Variants in TTC7B observed in about 807,000 individuals in gnomAD.
TTC7B encodes tetratricopeptide repeat domain 7B, also known as tetratricopeptide repeat protein 7B.
In TTC7B, 28 loss-of-function variants were observed where a neutral mutation model predicts 106.8. That is an observed-to-expected ratio of 0.26 (90% confidence interval 0.19 to 0.36). The LOEUF (loss-of-function observed/expected upper bound fraction) is 0.36. Ranked by LOEUF, TTC7B falls within the 10% of genes least tolerant of loss-of-function variation. The probability of loss-of-function intolerance (pLI) is 1.00; values close to 1 mark genes in which losing one functional copy is unlikely to be tolerated. For missense variants in TTC7B, 862 were observed against 1,076.4 expected, an observed-to-expected ratio of 0.80 and a Z score of 2.79; for synonymous variants, 405 against 430.6, an observed-to-expected ratio of 0.94 and a Z score of 0.74.
rs572780062 is a variant in TTC7B, at chr14:90,702,934, T to A, written c.699-7356A>T. ...TCTGGCAGGTGTGAATCCTGACTGC[T>A]CCATCACACTTAGCACAGTGAGCGT... On this transcript the variant is annotated intron_variant, in intron 5 of 19. Transcript: ENST00000328459. Among the ~76,000 whole-genome samples the A allele has an allele frequency of 1.7e-3, 261 of 152,258 alleles. 1 individual carries two copies. The highest frequency in any genetic ancestry group is 2.7e-3 in the Non-Finnish European group (187 of 68,028).
chr14:90,593,867 G>C (rs1892089904), intron 17 of TTC7B: 1 of 375,130 alleles, frequency 2.7e-6, no homozygotes, highest in Non-Finnish European at 4.8e-6. Flanking sequence ...GCTCAGCCTA[G>C]CGGTGTGAGT....
At position 90,530,324 on chromosome 14, in the gene TTC7B, G is replaced by A. The variant is rs904899397; in HGVS notation, c.*11044C>T. 6.6e-6 allele frequency: 1 copy of A among 152,194 alleles called. No individual in the cohort carries two copies. The highest frequency in any genetic ancestry group is 2.4e-5 in the African/African-American group (1 of 41,442). 9.4% of individuals were successfully genotyped at this position (152,194 alleles called of 1,614,324 possible). A position where few individuals can be genotyped will look rare whatever the true frequency, so the allele number is the denominator to read the frequency against. On this transcript the variant is annotated 3_prime_UTR_variant, in exon 20 of 20. Coordinates refer to ENST00000328459, the MANE Select transcript of TTC7B (RefSeq NM_001010854.2). ...ATGCTGCAAGACAACAGGCCAAAAT[G>A]CTGAGAAGGTGAGCGCTAAATAGTG...
At chr14:90,563,107 C>T (rs564952821) in intron 19 of TTC7B, among the ~76,000 whole-genome samples, 2 of 152,346 alleles carry the variant, frequency 1.3e-5, no homozygotes, top group South Asian at 2.1e-4. Flanking sequence ...TCCTCAGGTC[C>T]TAGTCCAGTA....
chr14:90,774,241 G>A (rs1019240945), intron 3 of TTC7B, among the ~76,000 whole-genome samples: 2 of 152,180 alleles, frequency 1.3e-5, no homozygotes, highest in Non-Finnish European at 2.9e-5. Context: ...TGGGGCCTGA[G>A]ATGGAAAGCA....
chr14:90,724,313 G>A (rs901479008), intron 5 of TTC7B, among the ~76,000 whole-genome samples: 6 of 152,070 alleles, frequency 3.9e-5, no homozygotes, highest in Admixed American at 3.3e-4. Flanking sequence ...AGGAGGGCAG[G>A]GACTTTGTCT....
Position 90,735,988 on chromosome 14 carries a change from C to A in TTC7B, c.577-5792G>T, listed in dbSNP as rs546707124. 2.9e-4 allele frequency among the ~76,000 whole-genome samples: 44 copies of A among 152,076 alleles called. 1 individual carries two copies. In the South Asian group the frequency reaches 9.1e-3, roughly 32 times the overall value. On this transcript the variant is annotated intron_variant, in intron 4 of 19. Transcript: ENST00000328459. ...TGTTAAAACCTATCATAAAGAAGTG[C>A]CTATTAAACAGTGTCATGTTGGTAC...
intron 15 of TTC7B, among the ~76,000 whole-genome samples, chr14:90,625,067 G>A (rs568899987): frequency 5.3e-5 from 8 of 152,324 alleles, no homozygotes; most frequent in South Asian, 2.1e-4. Context: ...TCAAATATCC[G>A]AAGGAAAGTG....
chr14:90,596,762 C>T (rs993093486), intron 17 of TTC7B, among the ~76,000 whole-genome samples: 10 of 152,210 alleles, frequency 6.6e-5, no homozygotes, highest in Admixed American at 2.0e-4. Flanking sequence ...ATGCGAACTA[C>T]GTCCTCAGGG....
At chr14:90,692,811 C>T (rs1595287553) in intron 6 of TTC7B, among the ~76,000 whole-genome samples, 1 of 152,078 alleles carries the variant, frequency 6.6e-6, no homozygotes, top group South Asian at 2.1e-4. Flanking sequence ...TTGAAGAATC[C>T]TAAAAATGGA....
chr14:90,785,039 A>G lies in TTC7B; in HGVS notation c.276+1135T>C, dbSNP rs181431380. Among the ~76,000 whole-genome samples the G allele has an allele frequency of 1.7e-3, 266 of 152,324 alleles. 2 individuals carry two copies. Among genetic ancestry groups the G allele is most frequent in the African/African-American group, 6.3e-3 (261 of 41,576 alleles). On this transcript the variant is annotated intron_variant, in intron 2 of 19. Coordinates refer to ENST00000328459, the MANE Select transcript of TTC7B (RefSeq NM_001010854.2). ...GATGACCAAGAGGAGGAACAGCTCA[A>G]ATTGAAAGCTCACAGGCTTAGAACA... is the stretch of plus-strand genomic sequence containing the variant.
intron 19 of TTC7B, among the ~76,000 whole-genome samples, chr14:90,561,845 GC>G (rs1266769301): frequency 6.6e-6 from 1 of 152,318 alleles, no homozygotes; most frequent in Middle Eastern, 3.4e-3. Flanking sequence ...AGGAGGGTTG[GC>G]GAGTCTGGCA....
chr14:90,744,912 C>T lies in TTC7B; in HGVS notation c.456G>A (p.Leu152=), dbSNP rs1242534150. 3.1e-6 allele frequency: 5 copies of T among 1,611,814 alleles called. No individual in the cohort carries two copies. Among genetic ancestry groups the T allele is most frequent in the Non-Finnish European group, 3.4e-6 (4 of 1,179,546 alleles). ...AEAYATKGLC[L]EKLPISSSTS... is the part of the protein sequence containing the mutation. The stretch of plus-strand genomic sequence containing the variant: ...TAGAAGAAGAAATAGGCAGCTTCTC[C>T]AAACAAAGTCCTTAAAAAAATATCA... The change falls in exon 4 of 20, where the codon TTG becomes TTA. Residue 152 remains leucine, a synonymous_variant. Coordinates refer to ENST00000328459, the MANE Select transcript of TTC7B (RefSeq NM_001010854.2).
At position 90,537,835 on chromosome 14, in the gene TTC7B, AC is replaced by A. The variant is rs59313438; in HGVS notation, c.*3532del. The A allele has an allele frequency of 0.3, 46,311 of 152,006 alleles. 8,618 individuals carry two copies. Among genetic ancestry groups the A allele is most frequent in the South Asian group, 0.48 (2,299 of 4,808 alleles). The allele number at this position is 152,006 out of a possible 1,614,324, so 9.4% of individuals were successfully genotyped here. A position where few individuals can be genotyped will look rare whatever the true frequency, so the allele number is the denominator to read the frequency against. On this transcript the variant is annotated 3_prime_UTR_variant, in exon 20 of 20. Coordinates refer to ENST00000328459, the MANE Select transcript of TTC7B (RefSeq NM_001010854.2). Reference sequence around the variant, plus strand: ...ACTCCTCATCTGTCTGTTTCCTTCTACCAGAAGGTAGGTCCTAAGTGGATGC... The same window carrying A: ...ACTCCTCATCTGTCTGTTTCCTTCTACAGAAGGTAGGTCCTAAGTGGATGC...
chr14:90,676,831 C>T (rs528422771), intron 8 of TTC7B, among the ~76,000 whole-genome samples, 171 bp from the exon 9 acceptor site: 40 of 152,162 alleles, frequency 2.6e-4, no homozygotes, highest in African/African-American at 8.4e-4. Flanking sequence ...CCCTGGGCAC[C>T]GCAGAACATG....
chr14:90,670,801 A>C (rs766798958), intron 9 of TTC7B, among the ~76,000 whole-genome samples: 2 of 152,198 alleles, frequency 1.3e-5, no homozygotes, highest in African/African-American at 2.4e-5. Context: ...AAGCTGGACC[A>C]GAGCTGGGAA....
At chr14:90,724,786 GC>G (rs1889027643) in intron 5 of TTC7B, among the ~76,000 whole-genome samples, 1 of 152,176 alleles carries the variant, frequency 6.6e-6, no homozygotes, top group Admixed American at 6.5e-5. Context: ...GAGAGAACGG[GC>G]TAACACAGCC....
intron 4 of TTC7B, among the ~76,000 whole-genome samples, chr14:90,732,093 C>T (rs975784974): frequency 4.6e-5 from 7 of 152,054 alleles, no homozygotes; most frequent in Non-Finnish European, 8.8e-5. Context: ...ACACATGTAT[C>T]AAGCAGAGAA....
chr14:90,654,008 T>C (rs972184713), intron 12 of TTC7B, among the ~76,000 whole-genome samples: 1 of 152,224 alleles, frequency 6.6e-6, no homozygotes, highest in African/African-American at 2.4e-5. Flanking sequence ...GTAATCCATA[T>C]TGAAAAGTAA....
chr14:90,776,140 G>GACTGACACACACACACAC (rs1438147499), intron 3 of TTC7B, among the ~76,000 whole-genome samples: 6 of 140,292 alleles, frequency 4.3e-5, no homozygotes, highest in African/African-American at 1.7e-4. Flanking sequence ...GGCCCCCCGT[G>GACTGACACACACACACAC]ACACACACAC....
Sources: gnomAD v4.1 joint callset for allele counts (sites outside exome capture counted in the v4.1 genomes callset) on GRCh38, gnomAD v4.1.1 for gene constraint, MANE v1.5 for transcripts, NCBI Gene and HGNC (gene_info 2026-07-23, HGNC 2026-07-21) for gene names.